Variants in PUDP observed in about 807,000 individuals in gnomAD.
The protein encoded by PUDP is pseudouridine-5'-phosphatase.
In PUDP, 8 loss-of-function variants were observed where a neutral mutation model predicts 9.4. The observed-to-expected ratio is 0.85, with a 90% CI of 0.50 to 1.53. The LOEUF (loss-of-function observed/expected upper bound fraction) is 1.53, where lower values mean the gene tolerates loss of function less well. Among genes scored for constraint, PUDP ranks in the 40% most tolerant of loss-of-function variants. The probability of loss-of-function intolerance (pLI) is 0.00; values close to 1 mark genes in which losing one functional copy is unlikely to be tolerated. For synonymous variants in PUDP, 99 were observed against 80.7 expected, an observed-to-expected ratio of 1.23 and a Z score of -1.22; for missense variants, 188 against 189.7, an observed-to-expected ratio of 0.99 and a Z score of 0.05.
intron 1 of PUDP, among the ~76,000 whole-genome samples, chrX:7,039,423 G>A (rs1165994817): frequency 8.9e-6 from 1 of 112,061 alleles, no homozygotes; most frequent in Non-Finnish European, 1.9e-5. Flanking sequence ...CCCAGTACCC[G>A]GAATGTGATT....
At chrX:7,082,603 C>A (rs185963687) in intron 2 of PUDP, among the ~76,000 whole-genome samples, 88 of 112,364 alleles carry the variant, frequency 7.8e-4, no homozygotes, top group African/African-American at 2.5e-3. Flanking sequence ...GGAAGACAGC[C>A]CGTGCCACTG....
chrX:6,890,123 T>A (rs1260811283), intron 3 of PUDP, among the ~76,000 whole-genome samples: 3 of 111,887 alleles, frequency 2.7e-5, no homozygotes, highest in African/African-American at 9.7e-5. Flanking sequence ...GGTTTCCACA[T>A]GCCAGATTCC....
At chrX:6,945,989 G>T (rs1260256463) in intron 3 of PUDP, among the ~76,000 whole-genome samples, 3 of 110,938 alleles carry the variant, frequency 2.7e-5, no homozygotes, top group Non-Finnish European at 5.7e-5. Flanking sequence ...TTCCCTAAGG[G>T]TTAAATAGAA....
chrX:7,078,102 C>A (rs1930971499), intron 2 of PUDP, among the ~76,000 whole-genome samples: 1 of 111,722 alleles, frequency 9.0e-6, no homozygotes, highest in African/African-American at 3.3e-5. Context: ...AAAAGAGCAT[C>A]CTCACACTGT....
chrX:6,737,142 G>A (rs1296195423), intron 3 of PUDP, among the ~76,000 whole-genome samples: 1 of 110,981 alleles, frequency 9.0e-6, no homozygotes, highest in African/African-American at 3.3e-5. Flanking sequence ...TTCAAGCAAA[G>A]GAAGGCCAGC....
intron 1 of PUDP, among the ~76,000 whole-genome samples, chrX:7,121,166 T>TG (rs1189047391): frequency 8.9e-6 from 1 of 111,872 alleles, no homozygotes; most frequent in African/African-American, 3.3e-5. Flanking sequence ...CTTATTAGGT[T>TG]GGGAAAAAAT....
intron 3 of PUDP, chrX:7,057,814 G>A: frequency 1.7e-6 from 2 of 1,145,842 alleles, no homozygotes; most frequent in South Asian, 3.8e-5. Flanking sequence ...CGAGGTCTAT[G>A]GATGGAGCTC....
chrX:6,942,006 A>G (rs61340697), intron 3 of PUDP, among the ~76,000 whole-genome samples: 3,535 of 111,635 alleles, frequency 0.032, 139 homozygotes, highest in African/African-American at 0.11. Context: ...AACAAGGGCT[A>G]CACATGGGCA....
intron 3 of PUDP, among the ~76,000 whole-genome samples, chrX:6,874,725 T>G (rs1927226556): frequency 8.9e-6 from 1 of 112,639 alleles, no homozygotes; most frequent in Non-Finnish European, 1.9e-5. Context: ...GTGGCTAAGT[T>G]TCCCACGGTG....
intron 3 of PUDP, among the ~76,000 whole-genome samples, chrX:6,840,829 AT>A (rs1926656842): frequency 1.1e-5 from 1 of 95,104 alleles, no homozygotes; most frequent in Non-Finnish European, 2.1e-5. Flanking sequence ...GGTAATGGGG[AT>A]GGGGGGGTTG....
intron 2 of PUDP, among the ~76,000 whole-genome samples, chrX:7,093,078 T>G (rs1931469536): frequency 8.9e-6 from 1 of 112,387 alleles, no homozygotes; most frequent in Non-Finnish European, 1.9e-5. Flanking sequence ...CACATTGTTG[T>G]ACAGCCATCA....
At chrX:6,784,487 G>T (rs1925614722) in intron 3 of PUDP, among the ~76,000 whole-genome samples, 1 of 111,106 alleles carries the variant, frequency 9.0e-6, no homozygotes, top group African/African-American at 3.3e-5. Context: ...GATCTGAGAG[G>T]GTGGAGAGTC....
intron 1 of PUDP, among the ~76,000 whole-genome samples, chrX:7,108,050 C>A (rs1438157893): frequency 8.9e-6 from 1 of 112,298 alleles, no homozygotes; most frequent in Non-Finnish European, 1.9e-5. Flanking sequence ...GACACAAGGC[C>A]TGGGCAGTCA....
At chrX:7,047,917 G>T (rs765590610), downstream of PUDP, among the ~76,000 whole-genome samples, 1 of 112,317 alleles carries the variant, frequency 8.9e-6, no homozygotes, top group East Asian at 2.8e-4. Context: ...TAGCATAACT[G>T]CCAAATGTAA....
chrX:7,050,494 C>T (rs752306230), intron 3 of PUDP, 22 bp from the exon 4 acceptor site: 5 of 1,187,969 alleles, frequency 4.2e-6, no homozygotes, highest in South Asian at 1.8e-5. Context: ...AAAAGAAAGT[C>T]GAGATGGCCT....
At chrX:6,757,220 C>A (rs966031357) in intron 3 of PUDP, among the ~76,000 whole-genome samples, 1 of 111,604 alleles carries the variant, frequency 9.0e-6, no homozygotes, top group Non-Finnish European at 1.9e-5. Context: ...CTGACCCCTA[C>A]AAACACTGAG....
chrX:6,797,040 GA>G (rs913089249), intron 3 of PUDP, among the ~76,000 whole-genome samples: 1 of 110,933 alleles, frequency 9.0e-6, no homozygotes, highest in Admixed American at 9.6e-5. Context: ...CAATAGAAGA[GA>G]AAAAAATAAA....
chrX:7,112,936 T>G (rs1932095567), intron 1 of PUDP: 1 of 112,762 alleles, frequency 8.9e-6, no homozygotes, highest in Admixed American at 9.4e-5. Context: ...GTGCTGGGAT[T>G]ACAGGTGTGA....
chrX:6,951,072 C>T (rs916002073), intron 3 of PUDP, among the ~76,000 whole-genome samples: 5 of 111,429 alleles, frequency 4.5e-5, no homozygotes, highest in African/African-American at 1.3e-4. Context: ...AGCTTCCAAA[C>T]TCACCCTGCA....
Sources: gnomAD v4.1 joint callset for allele counts (sites outside exome capture counted in the v4.1 genomes callset) on GRCh38, gnomAD v4.1.1 for gene constraint, MANE v1.5 for transcripts, NCBI Gene and HGNC (gene_info 2026-07-23, HGNC 2026-07-21) for gene names.